The following ASCC3 variants were observed in gnomAD, a reference collection of about 807,000 sequenced individuals.
The protein encoded by ASCC3 is activating signal cointegrator 1 complex subunit 3.
In ASCC3, 158 loss-of-function variants were observed where a neutral mutation model predicts 256.3. The ratio of observed to expected loss-of-function variants is 0.62; its 90% CI spans 0.54 to 0.70. The LOEUF (loss-of-function observed/expected upper bound fraction) is 0.70, where lower values mean the gene tolerates loss of function less well. Ranked by LOEUF, ASCC3 falls within the 30% of genes least tolerant of loss-of-function variation. ASCC3 has a pLI of 0.00. For missense variants in ASCC3, 2,259 were observed against 2,626.0 expected, an observed-to-expected ratio of 0.86 and a Z score of 3.05; for synonymous variants, 948 against 883.4, an observed-to-expected ratio of 1.07 and a Z score of -1.30.
intron 13 of ASCC3, among the ~76,000 whole-genome samples, chr6:100,689,260 T>C (rs1257713129): frequency 6.6e-6 from 1 of 152,200 alleles, no homozygotes; most frequent in Non-Finnish European, 1.5e-5. Context: ...ACACCATTTA[T>C]TGGGTCATAC....
intron 1 of ASCC3, among the ~76,000 whole-genome samples, chr6:100,878,753 C>G (rs1734213824): frequency 6.6e-6 from 1 of 152,176 alleles, no homozygotes; most frequent in Non-Finnish European, 1.5e-5. Flanking sequence ...GGAAAAAACT[C>G]AAACCGTTTT....
intron 30 of ASCC3, among the ~76,000 whole-genome samples, chr6:100,610,823 T>C (rs1773355745): frequency 1.3e-5 from 2 of 152,138 alleles, no homozygotes; most frequent in South Asian, 4.1e-4. Flanking sequence ...AAACTACATG[T>C]TAGGTATTCT....
chr6:100,705,710 T>C (rs1778548814), intron 13 of ASCC3, among the ~76,000 whole-genome samples: 1 of 151,834 alleles, frequency 6.6e-6, no homozygotes, highest in Non-Finnish European at 1.5e-5. Flanking sequence ...ATTCAATTAG[T>C]TTACTTAGAT....
At chr6:100,533,408 T>G (rs894550422) in intron 37 of ASCC3, among the ~76,000 whole-genome samples, 11 of 152,248 alleles carry the variant, frequency 7.2e-5, no homozygotes, top group Non-Finnish European at 2.9e-5. Context: ...GCTAGAATCC[T>G]TTAAAATAAA....
chr6:100,646,934 T>C (rs1270120402), intron 21 of ASCC3, among the ~76,000 whole-genome samples, 165 bp from the exon 22 acceptor site: 2 of 152,184 alleles, frequency 1.3e-5, no homozygotes, highest in Non-Finnish European at 2.9e-5. Context: ...TATTTTGTAA[T>C]AGTTAACTTG....
intron 1 of ASCC3, among the ~76,000 whole-genome samples, chr6:100,868,642 A>G (rs1562357848): frequency 6.6e-6 from 1 of 152,250 alleles, no homozygotes; most frequent in Non-Finnish European, 1.5e-5. Flanking sequence ...CAACCCACAA[A>G]AAGTAAGCTT....
At chr6:100,582,749 G>T (rs1771367742) in intron 36 of ASCC3, among the ~76,000 whole-genome samples, 1 of 152,060 alleles carries the variant, frequency 6.6e-6, no homozygotes, top group Admixed American at 6.6e-5. Flanking sequence ...TTATTATTTT[G>T]AGATATGCCC....
chr6:100,834,339 G>A (rs1474237891), intron 4 of ASCC3, among the ~76,000 whole-genome samples: 1 of 152,162 alleles, frequency 6.6e-6, no homozygotes, highest in Non-Finnish European at 1.5e-5. Context: ...TTTGTAAACA[G>A]TCTAACATTT....
In ASCC3 at chr6:100,766,636, G is replaced by C. The variant is rs776648886; in HGVS notation, c.1666C>G (p.Pro556Ala). 5 of 1,613,960 alleles carry C rather than the reference G, an allele frequency of 3.1e-6. No homozygotes were observed. The highest frequency in any genetic ancestry group is 4.2e-6 in the Non-Finnish European group (5 of 1,179,930). Residue 556 changes from proline to alanine, a missense_variant, in exon 10 of 42, where the codon CCA becomes GCA. Around this residue, in one of 2 missense-constraint regions of ASCC3, gnomAD observed 1,839 missense variants for 2,206.7 expected, o/e 0.83. Transcript: ENST00000369162. Reference sequence around the variant, plus strand: ...AATTCTTTCACAATGATGCCTAGTGGCTCTAGACGTCTGCTGAAGTAATCT... The same window carrying C: ...AATTCTTTCACAATGATGCCTAGTGCCTCTAGACGTCTGCTGAAGTAATCT... ...MTDYFSRRLE[P>A]LGIIVKELTG...
intron 39 of ASCC3, among the ~76,000 whole-genome samples, chr6:100,513,542 C>A (rs1472439126): frequency 6.6e-6 from 1 of 151,900 alleles, no homozygotes; most frequent in Non-Finnish European, 1.5e-5. Flanking sequence ...CATTTTTTGG[C>A]CCATATTTCA....
At chr6:100,724,938 T>C (rs1479644902) in intron 11 of ASCC3, among the ~76,000 whole-genome samples, 3 of 151,964 alleles carry the variant, frequency 2.0e-5, no homozygotes, top group Admixed American at 1.3e-4. Context: ...CTACTGATAC[T>C]AGTCAGCATC....
At chr6:100,560,616 G>A (rs1385898882) in intron 36 of ASCC3, among the ~76,000 whole-genome samples, 1 of 151,976 alleles carries the variant, frequency 6.6e-6, no homozygotes, top group Non-Finnish European at 1.5e-5. Context: ...CTGGCAACGT[G>A]GCAACTGCTG....
chr6:100,700,406 GA>G (rs1441494078), intron 13 of ASCC3, among the ~76,000 whole-genome samples: 1 of 152,138 alleles, frequency 6.6e-6, no homozygotes, highest in Non-Finnish European at 1.5e-5. Context: ...TCCTCATCGA[GA>G]ACCTTTGCTA....
chr6:100,767,775 ATTTTTT>A (rs71547412), intron 8 of ASCC3, among the ~76,000 whole-genome samples: 4 of 143,878 alleles, frequency 2.8e-5, no homozygotes, highest in Non-Finnish European at 4.6e-5. Flanking sequence ...TGCCCGGCTA[ATTTTTT>A]TTTTTTTTGT....
At chr6:100,773,465 A>T (rs1484479633) in intron 8 of ASCC3, among the ~76,000 whole-genome samples, 1 of 152,160 alleles carries the variant, frequency 6.6e-6, no homozygotes, top group African/African-American at 2.4e-5. Flanking sequence ...TAAGCTCAAA[A>T]GCAATTTCTG....
intron 30 of ASCC3, among the ~76,000 whole-genome samples, chr6:100,609,385 T>G (rs1773275018): frequency 6.6e-6 from 1 of 152,044 alleles, no homozygotes; most frequent in Non-Finnish European, 1.5e-5. Context: ...ATTTAGTATA[T>G]TCACAATTTT....
chr6:100,730,850 A>G (rs1240991668), intron 10 of ASCC3, among the ~76,000 whole-genome samples: 2 of 152,090 alleles, frequency 1.3e-5, no homozygotes, highest in Non-Finnish European at 2.9e-5. Context: ...CTTCTCTCCC[A>G]TCAATTCACA....
intron 14 of ASCC3, among the ~76,000 whole-genome samples, chr6:100,673,759 C>T (rs2114954081): frequency 6.6e-6 from 1 of 152,282 alleles, no homozygotes; most frequent in African/African-American, 2.4e-5. Context: ...GACTCTTCAA[C>T]AATCTTCAAT....
At chr6:100,642,773 T>C in intron 23 of ASCC3, 24 bp from the exon 24 acceptor site, 2 of 1,581,692 alleles carry the variant, frequency 1.3e-6, no homozygotes, top group Non-Finnish European at 1.7e-6. Flanking sequence ...CAGTCAAAAA[T>C]AAATATGGAT....
Sources: allele counts gnomAD v4.1 joint callset (sites outside exome capture counted in the v4.1 genomes callset), GRCh38; gene constraint gnomAD v4.1.1; regional missense constraint gnomAD v4.1.1; transcripts MANE v1.5; gene names NCBI Gene and HGNC (gene_info 2026-07-23, HGNC 2026-07-21).